The following ZNF567 variants were observed in gnomAD, a reference collection of about 807,000 sequenced individuals.
ZNF567 encodes the protein zinc finger protein 567.
A neutral mutation model predicts 53.9 loss-of-function variants in ZNF567; 36 were observed. That is an observed-to-expected ratio of 0.67 (90% confidence interval 0.51 to 0.88). The LOEUF (loss-of-function observed/expected upper bound fraction) is 0.88. ZNF567 is among the 40% of genes least tolerant of loss of function. The pLI, the probability that ZNF567 is intolerant of heterozygous loss-of-function variation, is 0.00. For synonymous variants in ZNF567, 224 were observed against 260.4 expected (o/e 0.86, Z 1.35); for missense variants, 619 against 764.7 (o/e 0.81, Z 2.25).
At chr19:36,713,850 G>A (rs1261923377) in intron 5 of ZNF567, among the ~76,000 whole-genome samples, 5 of 151,582 alleles carry the variant, frequency 3.3e-5, no homozygotes, top group African/African-American at 7.3e-5. Flanking sequence ...CCGGAGAATC[G>A]CTTAAACCCG....
At chr19:36,691,141 AT>A (rs973090408) in intron 2 of ZNF567, among the ~76,000 whole-genome samples, 1 of 149,176 alleles carries the variant, frequency 6.7e-6, no homozygotes, top group Non-Finnish European at 1.5e-5. Context: ...GATACTTTGG[AT>A]TTTTTTGTTT....
the ZNF567 span, chr19:36,668,686 T>G: frequency 6.6e-6 from 1 of 152,254 alleles, no homozygotes; most frequent in South Asian, 2.1e-4. Context: ...ACATGTTATC[T>G]GCCAGAAGGG....
chr19:36,694,772 G>A, intron 2 of ZNF567, 30 bp from the exon 3 acceptor site: 1 of 1,259,452 alleles, frequency 7.9e-7, no homozygotes, highest in East Asian at 2.6e-5. Flanking sequence ...GTCTCATGTG[G>A]CTTTTTTTGT....
chr19:36,721,152 TTG>T lies in ZNF567; in HGVS notation c.*488_*489del, dbSNP rs1342817934. 6.6e-6 allele frequency: 1 copy of T among 152,234 alleles called. No homozygotes were observed. The highest frequency in any genetic ancestry group is 2.4e-5 in the African/African-American group (1 of 41,462). 9.4% of individuals were successfully genotyped at this position (152,234 alleles called of 1,614,324 possible). A position where few individuals can be genotyped will look rare whatever the true frequency, so the allele number is the denominator to read the frequency against. On this transcript the variant is annotated 3_prime_UTR_variant, in exon 6 of 6. Coordinates refer to ENST00000682579, the MANE Select transcript of ZNF567 (RefSeq NM_001322917.1). Reference sequence around the variant, plus strand: ...ATTTTATCAGACATCATGAATTATTTTGTGTCTTGCTTATTTCACTCAATTTT... The same window carrying T: ...ATTTTATCAGACATCATGAATTATTTTGTCTTGCTTATTTCACTCAATTTT...
chr19:36,702,707 T>G (rs2039267374), intron 3 of ZNF567, among the ~76,000 whole-genome samples: 4 of 152,230 alleles, frequency 2.6e-5, no homozygotes, highest in Non-Finnish European at 5.9e-5. Flanking sequence ...TTTCTTCCAG[T>G]TGATCGCATC....
chr19:36,704,572 T>C (rs2039395056), intron 3 of ZNF567, among the ~76,000 whole-genome samples: 1 of 152,188 alleles, frequency 6.6e-6, no homozygotes, highest in Non-Finnish European at 1.5e-5. Context: ...CACTTGGTCA[T>C]GATATAATAC....
intron 5 of ZNF567, among the ~76,000 whole-genome samples, chr19:36,715,106 C>G (rs11666769): frequency 0.13 from 19,487 of 152,038 alleles, 2,055 homozygotes; most frequent in East Asian, 0.56. Context: ...GACAATGTGT[C>G]AGAAATGAAA....
chr19:36,692,777 G>T (rs577469926), intron 2 of ZNF567, among the ~76,000 whole-genome samples: 4 of 152,008 alleles, frequency 2.6e-5, no homozygotes, highest in Admixed American at 6.6e-5. Context: ...CACTATTTTT[G>T]CAAGCTTCTG....
In ZNF567 at chr19:36,719,009, T is replaced by C; in HGVS notation, c.285T>C (p.Ser95=). 6.3e-7 allele frequency: 1 copy of C among 1,599,728 alleles called. No homozygotes were observed. The highest frequency in any genetic ancestry group is 8.5e-7 in the Non-Finnish European group (1 of 1,176,294). The part of the protein sequence containing the change: ...VKFKEHQEKY[S]RSVVSINHKK... ...TCAAGGAACACCAAGAGAAGTATTC[T>C]AGATCAGTTGTAAGCATCAACCACA... The change falls in exon 6 of 6, where the codon TCT becomes TCC. Residue 95 remains serine, a synonymous_variant. Transcript: ENST00000682579.
chr19:36,701,405 T>C (rs992977950), intron 3 of ZNF567, among the ~76,000 whole-genome samples: 2 of 151,026 alleles, frequency 1.3e-5, no homozygotes, highest in African/African-American at 4.9e-5. Context: ...TTCTGTTGAT[T>C]TGGGGTGGAG....
At chr19:36,691,464 C>G in intron 2 of ZNF567, among the ~76,000 whole-genome samples, 1 of 152,142 alleles carries the variant, frequency 6.6e-6, no homozygotes, top group East Asian at 1.9e-4. Context: ...CCTTGCCTGG[C>G]CTCCAGGATA....
chr19:36,714,337 T>C, intron 5 of ZNF567: 1 of 347,130 alleles, frequency 2.9e-6, no homozygotes, highest in Non-Finnish European at 5.2e-6. Context: ...AACTTTTTTG[T>C]ATTTTTAGTA....
At chr19:36,711,089 T>C (rs1001144720) in intron 3 of ZNF567, among the ~76,000 whole-genome samples, 2 of 152,018 alleles carry the variant, frequency 1.3e-5, no homozygotes, top group Admixed American at 6.6e-5. Flanking sequence ...TGTGTGTGTG[T>C]GTGACACAGT....
chr19:36,693,749 A>G (rs3108561), intron 2 of ZNF567, among the ~76,000 whole-genome samples: 45,339 of 152,032 alleles, frequency 0.3, 6,826 homozygotes, highest in African/African-American at 0.33. Context: ...CTACTTAGAT[A>G]TATGAAGGAC....
At chr19:36,724,000 A>AT (rs2040323618), downstream of ZNF567, among the ~76,000 whole-genome samples, 1 of 114,948 alleles carries the variant, frequency 8.7e-6, no homozygotes. Flanking sequence ...GCAATTCTGT[A>AT]TTTCTTTTTT....
At chr19:36,681,647 C>G in the ZNF567 span, among the ~76,000 whole-genome samples, 2 of 151,764 alleles carry the variant, frequency 1.3e-5, no homozygotes, top group Non-Finnish European at 2.9e-5. Flanking sequence ...CCAGCCTGGT[C>G]TTGAACTCCT....
At chr19:36,706,243 C>G (rs571856183) in intron 3 of ZNF567, among the ~76,000 whole-genome samples, 181 of 152,294 alleles carry the variant, frequency 1.2e-3, no homozygotes, top group Middle Eastern at 6.8e-3. Context: ...GGCCTAATCA[C>G]GTATTAAAGG....
intron 3 of ZNF567, among the ~76,000 whole-genome samples, chr19:36,695,230 T>TAA (rs549687570): frequency 7.3e-6 from 1 of 137,420 alleles, no homozygotes; most frequent in Non-Finnish European, 1.6e-5. Context: ...CACCAGAAAT[T>TAA]AAAAAAAAAA....
At chr19:36,715,303 G>A (rs962125199) in intron 5 of ZNF567, among the ~76,000 whole-genome samples, 19 of 151,324 alleles carry the variant, frequency 1.3e-4, no homozygotes, top group African/African-American at 4.4e-4. Flanking sequence ...TGGGATTACA[G>A]GTGCCCACCA....
Sources: gnomAD v4.1 joint callset for allele counts (sites outside exome capture counted in the v4.1 genomes callset) on GRCh38, gnomAD v4.1.1 for gene constraint, MANE v1.5 for transcripts, NCBI Gene and HGNC (gene_info 2026-07-23, HGNC 2026-07-21) for gene names.